Variants in ONECUT3 observed in about 807,000 individuals in gnomAD.
ONECUT3 encodes one cut homeobox 3.
In ONECUT3, 11 loss-of-function variants were observed where a neutral mutation model predicts 16.8. That is an observed-to-expected ratio of 0.66 (90% confidence interval 0.41 to 1.09). ONECUT3 has a LOEUF of 1.09. Among genes scored for constraint, ONECUT3 ranks in the 50% least tolerant of loss-of-function variants. The pLI is 0.00. For synonymous variants in ONECUT3, 344 were observed against 310.7 expected, an observed-to-expected ratio of 1.11 and a Z score of -1.13; for missense variants, 637 against 629.9, an observed-to-expected ratio of 1.01 and a Z score of -0.12.
chr19:1,769,000 G>A (rs2068024958), intron 1 of ONECUT3, among the ~76,000 whole-genome samples: 1 of 40,160 alleles, frequency 2.5e-5, no homozygotes, highest in Non-Finnish European at 4.8e-5. Flanking sequence ...TGGAGGTGAT[G>A]GTGGAGGTGG....
At position 1,759,784 on chromosome 19, in the gene ONECUT3, G is replaced by A. The variant is rs183019353; in HGVS notation, c.1192+4930G>A. 3.3e-5 allele frequency among the ~76,000 whole-genome samples: 5 copies of A among 152,300 alleles called. No homozygotes were observed. Among genetic ancestry groups the A allele is most frequent in the Admixed American group, 2.6e-4 (4 of 15,306 alleles). ...TGACGCCTAGGAGAGGGGGTATGAGGGGCTGGAGGGGCTCAGGGGTCTGAA... is the reference window on the plus strand; with the variant it reads ...TGACGCCTAGGAGAGGGGGTATGAGAGGCTGGAGGGGCTCAGGGGTCTGAA... On this transcript the variant is annotated intron_variant, in intron 1 of 1. Transcript: ENST00000382349. This position sits in a 1 kb window ranked among gnomAD's most constrained non-coding sequence, Gnocchi z 4.1.
rs190679702 is a variant in ONECUT3 at position 1,758,219 on chromosome 19, G to T, written c.1192+3365G>T. 3.0e-3 allele frequency among the ~76,000 whole-genome samples: 454 copies of T among 151,798 alleles called. No individual in the cohort carries two copies. Among genetic ancestry groups the T allele is most frequent in the Middle Eastern group, 6.8e-3 (2 of 294 alleles). On this transcript the variant is annotated intron_variant, in intron 1 of 1. Coordinates refer to ENST00000382349, the MANE Select transcript of ONECUT3 (RefSeq NM_001080488.2). This position sits in a 1 kb window ranked among gnomAD's most constrained non-coding sequence, Gnocchi z 5.9. Reference sequence around the variant, plus strand: ...GTGGGGAGGGAGAGACCGGGAGCGGGAGAAACAGACGGGGAGAAGAGAAAA... The same window carrying T: ...GTGGGGAGGGAGAGACCGGGAGCGGTAGAAACAGACGGGGAGAAGAGAAAA...
rs1461112927 is a variant in ONECUT3 at position 1,759,991 on chromosome 19, C to A, written c.1192+5137C>A. 6.6e-6 allele frequency among the ~76,000 whole-genome samples: 1 copy of A among 152,230 alleles called. No homozygotes were observed. The highest frequency in any genetic ancestry group is 2.4e-5 in the African/African-American group (1 of 41,466). On this transcript the variant is annotated intron_variant, in intron 1 of 1. Transcript: ENST00000382349. This position sits in a 1 kb window ranked among gnomAD's most constrained non-coding sequence, Gnocchi z 4.1. ...GGGAGGAGCAGCCCTAGCTAGGGAC[C>A]TGGGCCAGGATCAGGGATCAGGCTC...
In ONECUT3 at chr19:1,754,168, C is replaced by T; in HGVS notation, c.506C>T (p.Thr169Ile). 6 of 1,128,436 alleles carry T rather than the reference C, an allele frequency of 5.3e-6. No homozygotes were observed. Among genetic ancestry groups the T allele is most frequent in the African/African-American group, 3.4e-5 (2 of 59,144 alleles). The allele number at this position is 1,128,436 out of a possible 1,614,324, so 69.9% of individuals were successfully genotyped here. ...RLAASVSGSF[T>I]LMRDERAALA... Reference sequence around the variant, plus strand: ...GCGGCCAGCGTGAGCGGCAGCTTCACCCTCATGCGCGACGAGCGGGCGGCG... The same window carrying T: ...GCGGCCAGCGTGAGCGGCAGCTTCATCCTCATGCGCGACGAGCGGGCGGCG... Residue 169 changes from threonine (T) to isoleucine (I), a missense_variant, in exon 1 of 2, where the codon ACC (threonine) becomes ATC (isoleucine). Physicochemically the swap from Thr to Ile is moderately conservative, Grantham distance 89. Transcript: ENST00000382349. This position sits in a 1 kb window ranked among gnomAD's most constrained non-coding sequence, Gnocchi z 7.4.
At position 1,775,795 on chromosome 19, in the gene ONECUT3, G is replaced by A. The variant is rs761910348; in HGVS notation, c.*350G>A. 4.0e-4 allele frequency: 78 copies of A among 194,578 alleles called. No individual in the cohort carries two copies. The highest frequency in any genetic ancestry group is 6.2e-4 in the Non-Finnish European group (60 of 96,718). The allele number at this position is 194,578 out of a possible 1,614,324, so 12.1% of individuals were successfully genotyped here. ...GGCTCACTGTGTTGTCCCCTAAAGC[G>A]GGTCAAGAAGCACATACTAGAAATA... is the stretch of plus-strand genomic sequence containing the variant. On this transcript the variant is annotated 3_prime_UTR_variant, in exon 2 of 2. Coordinates refer to ENST00000382349, the MANE Select transcript of ONECUT3 (RefSeq NM_001080488.2).
chr19:1,756,697 T>G (rs960092696), intron 1 of ONECUT3, among the ~76,000 whole-genome samples: 1 of 23,546 alleles, frequency 4.2e-5, no homozygotes, highest in Admixed American at 4.3e-4. Flanking sequence ...GCCTGGCTAT[T>G]TTTTTTTTTT....
intron 1 of ONECUT3, 26 bp from the exon 2 acceptor site, chr19:1,775,127 C>CCCGG: frequency 1.2e-6 from 1 of 818,602 alleles, no homozygotes; most frequent in Non-Finnish European, 1.8e-6. Context: ...GTCCCGCTCG[C>CCCGG]CCGCCCGCCC....
At chr19:1,757,557 A>G (rs908248704) in intron 1 of ONECUT3, among the ~76,000 whole-genome samples, 9 of 151,992 alleles carry the variant, frequency 5.9e-5, no homozygotes, top group African/African-American at 2.2e-4. Context: ...TCCGCTGCCC[A>G]CGCCGTGGCC....
At chr19:1,769,594 C>A (rs891697436) in intron 1 of ONECUT3, among the ~76,000 whole-genome samples, 3 of 101,624 alleles carry the variant, frequency 3.0e-5, no homozygotes, top group African/African-American at 1.2e-4. Flanking sequence ...GGGGGTGAAC[C>A]TGATGTTGGG....
At chr19:1,769,659 G>A (rs766228522) in intron 1 of ONECUT3, among the ~76,000 whole-genome samples, 1 of 151,956 alleles carries the variant, frequency 6.6e-6, no homozygotes, top group African/African-American at 2.4e-5. Context: ...ATGCACAGAG[G>A]GGGCATCCAG....
chr19:1,767,649 G>A lies in ONECUT3; in HGVS notation c.1193-7504G>A, dbSNP rs145082442. 3.3e-5 allele frequency among the ~76,000 whole-genome samples: 5 copies of A among 152,314 alleles called. No homozygotes were observed. In the East Asian group the frequency reaches 9.7e-4, roughly 29 times the overall value. On this transcript the variant is annotated intron_variant, in intron 1 of 1. Coordinates refer to ENST00000382349, the MANE Select transcript of ONECUT3 (RefSeq NM_001080488.2). The stretch of plus-strand genomic sequence containing the variant: ...CTGCTGGACACAGCGGGAACAGCAG[G>A]GATAACTGAGCGAAGGGGCGGCCAC...
Position 1,755,716 on chromosome 19 carries a change from G to C in ONECUT3, c.1192+862G>C, listed in dbSNP as rs183875331. Among the ~76,000 whole-genome samples the C allele has an allele frequency of 4.5e-4, 68 of 152,268 alleles. No individual in the cohort carries two copies. The highest frequency in any genetic ancestry group is 1.5e-3 in the African/African-American group (64 of 41,546). ...TGCTCTCCGTTTTGCTCTTGTTCCT[G>C]CTCATTATCTCTTCTCCCTGTCGGT... On this transcript the variant is annotated intron_variant, in intron 1 of 1. Coordinates refer to ENST00000382349, the MANE Select transcript of ONECUT3 (RefSeq NM_001080488.2). This position sits in a 1 kb window ranked among gnomAD's most constrained non-coding sequence, Gnocchi z 7.5.
chr19:1,763,972 C>G (rs2067963339), intron 1 of ONECUT3, among the ~76,000 whole-genome samples: 1 of 152,108 alleles, frequency 6.6e-6, no homozygotes, highest in Non-Finnish European at 1.5e-5. Context: ...GATCATTTTA[C>G]GAGTGTGAGT....
At chr19:1,775,126 G>GGGCCCCCCCCCCCCCCCC in intron 1 of ONECUT3, 27 bp from the exon 2 acceptor site, 1 of 1,143,896 alleles carries the variant, frequency 8.7e-7, no homozygotes. Flanking sequence ...TGTCCCGCTC[G>GGGCCCCCCCCCCCCCCCC]CCCGCCCGCC....
chr19:1,757,495 G>A (rs1204238919), intron 1 of ONECUT3, among the ~76,000 whole-genome samples: 2 of 152,238 alleles, frequency 1.3e-5, no homozygotes, highest in Non-Finnish European at 2.9e-5. Context: ...AGGGCGCTGG[G>A]GCGTTGAGGA....
rs1568606170 is a variant in ONECUT3, at chr19:1,778,889, C to CAT, written c.*3445_*3446insTA. 10 of 150,994 alleles carry CAT rather than the reference C, an allele frequency of 6.6e-5. No individual in the cohort carries two copies. The highest frequency in any genetic ancestry group is 2.5e-4 in the African/African-American group (10 of 40,772). The allele number at this position is 150,994 out of a possible 1,614,324, so 9.4% of individuals were successfully genotyped here. ...TATCACACACACACACACACACACA[C>CAT]ACACACACACACACACACACACACC... On this transcript the variant is annotated 3_prime_UTR_variant, in exon 2 of 2. Coordinates refer to ENST00000382349, the MANE Select transcript of ONECUT3 (RefSeq NM_001080488.2).
At chr19:1,765,225 GA>G (rs2067975378) in intron 1 of ONECUT3, among the ~76,000 whole-genome samples, 1 of 152,136 alleles carries the variant, frequency 6.6e-6, no homozygotes, top group Non-Finnish European at 1.5e-5. Flanking sequence ...GACCCCCCAG[GA>G]GCCTCCACAT....
chr19:1,753,605 G>C lies in ONECUT3; in HGVS notation c.-58G>C. On this transcript the variant is annotated 5_prime_UTR_variant, in exon 1 of 2. Transcript: ENST00000382349. ...GGGGAGCGGGCGGGAGTCATGCAGC[G>C]GCCTTGAGCACTAGGGGCCGGCGCT... 1.6e-5 allele frequency: 10 copies of C among 620,830 alleles called. No individual in the cohort carries two copies. The highest frequency in any genetic ancestry group is 2.1e-5 in the Non-Finnish European group (10 of 486,064). 38.5% of individuals were successfully genotyped at this position (620,830 alleles called of 1,614,324 possible). A position where few individuals can be genotyped will look rare whatever the true frequency, so the allele number is the denominator to read the frequency against.
intron 1 of ONECUT3, among the ~76,000 whole-genome samples, chr19:1,756,849 C>T (rs549269050): frequency 2.6e-5 from 4 of 151,972 alleles, no homozygotes; most frequent in African/African-American, 7.3e-5. Flanking sequence ...CCCGCCGGGC[C>T]TCCCTCTGAC....
Sources: gnomAD v4.1 joint callset for allele counts (sites outside exome capture counted in the v4.1 genomes callset) on GRCh38, gnomAD v4.1.1 for gene constraint, Gnocchi (gnomAD v3.1) non-coding constraint, MANE v1.5 for transcripts, NCBI Gene and HGNC (gene_info 2026-07-23, HGNC 2026-07-21) for gene names.